The following MTUS2 variants were observed in gnomAD, a reference collection of about 807,000 sequenced individuals.
The protein encoded by MTUS2 is microtubule associated scaffold protein 2.
In MTUS2, 40 loss-of-function variants were observed where a neutral mutation model predicts 114.1. The observed-to-expected ratio is 0.35, with a 90% CI of 0.27 to 0.46. The LOEUF (loss-of-function observed/expected upper bound fraction) is 0.46, where lower values mean the gene tolerates loss of function less well. MTUS2 is among the 20% of genes least tolerant of loss of function. MTUS2 has a pLI of 1.00. For synonymous variants in MTUS2, 688 were observed against 672.0 expected (o/e 1.02, Z -0.37); for missense variants, 1,679 against 1,705.4 (o/e 0.98, Z 0.27).
At chr13:29,274,363 G>A (rs541464519) in intron 5 of MTUS2, among the ~76,000 whole-genome samples, 2 of 152,168 alleles carry the variant, frequency 1.3e-5, no homozygotes, top group South Asian at 2.1e-4. Flanking sequence ...GCCTGCCTCC[G>A]CCTCCCAAAG....
At chr13:29,072,899 T>A (rs1009164692) in intron 4 of MTUS2, among the ~76,000 whole-genome samples, 1 of 152,246 alleles carries the variant, frequency 6.6e-6, no homozygotes, top group Non-Finnish European at 1.5e-5. Flanking sequence ...TATAAGCAGA[T>A]CTGTCCAGCA....
intron 9 of MTUS2, among the ~76,000 whole-genome samples, chr13:29,461,185 A>G (rs1879462100): frequency 6.6e-6 from 1 of 152,134 alleles, no homozygotes; most frequent in African/African-American, 2.4e-5. Flanking sequence ...TGAGGGCAGG[A>G]CAGAGAGAGA....
chr13:28,944,763 C>G (rs327127), intron 2 of MTUS2, among the ~76,000 whole-genome samples: 131,399 of 152,122 alleles, frequency 0.86, 57,511 homozygotes, highest in Non-Finnish European at 0.95. Context: ...TCGAAGTCCA[C>G]ACTAAGCACT....
intron 2 of MTUS2, among the ~76,000 whole-genome samples, chr13:28,873,225 C>T (rs73454655): frequency 0.065 from 9,931 of 152,154 alleles, 1,063 homozygotes; most frequent in African/African-American, 0.22. Context: ...TGTTTGAGTT[C>T]CTTGAACATA....
chr13:28,928,139 A>G (rs1423073858), intron 2 of MTUS2, among the ~76,000 whole-genome samples: 1 of 152,224 alleles, frequency 6.6e-6, no homozygotes, highest in Non-Finnish European at 1.5e-5. Flanking sequence ...ACCTGAAAGC[A>G]TGAAACTACT....
At chr13:28,991,768 T>C (rs1884868356) in intron 2 of MTUS2, among the ~76,000 whole-genome samples, 2 of 152,218 alleles carry the variant, frequency 1.3e-5, no homozygotes, top group South Asian at 4.1e-4. Context: ...CTTATCCTTT[T>C]TCCCTCCTTC....
chr13:29,120,884 T>C (rs1009672180), intron 5 of MTUS2, among the ~76,000 whole-genome samples: 4 of 152,218 alleles, frequency 2.6e-5, no homozygotes, highest in Non-Finnish European at 4.4e-5. Flanking sequence ...ATCATTGATA[T>C]AGCAAGAAAA....
rs1225088555 is a variant in MTUS2 at position 29,225,649 on chromosome 13, C to T, written c.2645-56055C>T. Among the ~76,000 whole-genome samples the T allele has an allele frequency of 1.2e-4, 19 of 152,192 alleles. 1 individual carries two copies. Among genetic ancestry groups the T allele is most frequent in the Admixed American group, 1.2e-3 (19 of 15,286 alleles). Reference sequence around the variant, plus strand: ...GCTGAAATGAATTCTCTTTAGTTTCCTTGTCGTAACAAATTAGCATCAAAA... The same window carrying T: ...GCTGAAATGAATTCTCTTTAGTTTCTTTGTCGTAACAAATTAGCATCAAAA... On this transcript the variant is annotated intron_variant, in intron 5 of 15. Transcript: ENST00000612955.
At chr13:29,204,955 C>G (rs1239262211) in intron 5 of MTUS2, among the ~76,000 whole-genome samples, 1 of 152,102 alleles carries the variant, frequency 6.6e-6, no homozygotes, top group African/African-American at 2.4e-5. Context: ...TCTGGGGGAC[C>G]AGGGAAGCTC....
chr13:29,293,624 T>C (rs944644525), intron 6 of MTUS2, among the ~76,000 whole-genome samples: 3 of 152,066 alleles, frequency 2.0e-5, no homozygotes, highest in Non-Finnish European at 4.4e-5. Context: ...TAATGATATA[T>C]GTGCAGGAAC....
chr13:28,926,239 G>A (rs1021802848), intron 2 of MTUS2, among the ~76,000 whole-genome samples: 2 of 152,148 alleles, frequency 1.3e-5, no homozygotes, highest in African/African-American at 4.8e-5. Context: ...TAATTTTGTT[G>A]TACTTTGTTA....
intron 2 of MTUS2, among the ~76,000 whole-genome samples, chr13:28,907,650 CAAAG>C (rs1375486074): frequency 1.3e-5 from 2 of 151,348 alleles, no homozygotes; most frequent in Non-Finnish European, 2.9e-5. Context: ...TCAAAAGAGA[CAAAG>C]AAGGCCATTA....
chr13:29,475,698 G>C (rs1221355161), intron 9 of MTUS2, among the ~76,000 whole-genome samples: 2 of 152,094 alleles, frequency 1.3e-5, no homozygotes, highest in African/African-American at 4.8e-5. Flanking sequence ...AAAGCTTTTA[G>C]AATAATGATA....
intron 8 of MTUS2, among the ~76,000 whole-genome samples, chr13:29,390,663 A>AT (rs1873368682): frequency 6.6e-6 from 1 of 150,496 alleles, no homozygotes; most frequent in Admixed American, 6.6e-5. Flanking sequence ...AAAAAAAAAA[A>AT]AAGAAAGAAA....
chr13:28,966,058 G>T (rs1345738139), intron 2 of MTUS2, among the ~76,000 whole-genome samples: 1 of 151,912 alleles, frequency 6.6e-6, no homozygotes, highest in Non-Finnish European at 1.5e-5. Flanking sequence ...TGGAATATCT[G>T]GTAAAAATGA....
intron 4 of MTUS2, among the ~76,000 whole-genome samples, chr13:29,057,336 G>A (rs1423793617): frequency 6.6e-6 from 1 of 152,030 alleles, no homozygotes; most frequent in Non-Finnish European, 1.5e-5. Context: ...TTGAGTTCAG[G>A]TTCTGAAAAT....
chr13:28,821,724 C>T (rs1294193693), intron 1 of MTUS2, among the ~76,000 whole-genome samples: 1 of 152,164 alleles, frequency 6.6e-6, no homozygotes, highest in African/African-American at 2.4e-5. Context: ...AGGGGTGAGA[C>T]CCATTGTGGA....
chr13:29,322,024 T>G (rs774192373), intron 6 of MTUS2, among the ~76,000 whole-genome samples: 57 of 152,284 alleles, frequency 3.7e-4, no homozygotes, highest in Admixed American at 1.5e-3. Context: ...TTATGTTATA[T>G]ATGTTATAAT....
chr13:29,433,675 T>C (rs1877181358), intron 8 of MTUS2, among the ~76,000 whole-genome samples: 1 of 152,178 alleles, frequency 6.6e-6, no homozygotes, highest in African/African-American at 2.4e-5. Context: ...CTCAGATACT[T>C]GTATTTTGTT....
Sources: allele counts gnomAD v4.1 joint callset (sites outside exome capture counted in the v4.1 genomes callset), GRCh38; gene constraint gnomAD v4.1.1; transcripts MANE v1.5; gene names NCBI Gene and HGNC (gene_info 2026-07-23, HGNC 2026-07-21).